The following LPP variants were observed in gnomAD, a reference collection of about 807,000 sequenced individuals.
The protein encoded by LPP is LIM domain containing preferred translocation partner in lipoma.
LPP carries 38 observed loss-of-function variants against 60.4 expected under a neutral mutation model. That is an observed-to-expected ratio of 0.63 (90% CI 0.49 to 0.83). LPP has a LOEUF of 0.83. Ranked by LOEUF, LPP falls within the 40% of genes least tolerant of loss-of-function variation. The pLI, the probability that LPP is intolerant of heterozygous loss-of-function variation, is 0.00. For synonymous variants in LPP, 328 were observed against 290.8 expected (o/e 1.13, Z -1.30); for missense variants, 902 against 783.6 (o/e 1.15, Z -1.80).
intron 7 of LPP, among the ~76,000 whole-genome samples, chr3:188,665,973 A>G (rs537647690): frequency 3.9e-5 from 6 of 152,284 alleles, no homozygotes; most frequent in East Asian, 3.9e-4. Flanking sequence ...TAATTCTACA[A>G]TTAGTGTTTT....
rs574948124 is a variant in LPP at position 188,384,851 on chromosome 3, A to G, written c.-9-21261A>G. ...TTTCAGAAGTCCCGGAGTCCTTTCC[A>G]TGATGCATTTGAAGGGCCAGAGAGA... On this transcript the variant is annotated intron_variant, in intron 3 of 11. Coordinates refer to ENST00000617246, the MANE Select transcript of LPP (RefSeq NM_001375462.1). Among the ~76,000 whole-genome samples, 4 of 150,024 alleles carry G rather than the reference A, an allele frequency of 2.7e-5. No individual in the cohort carries two copies. The South Asian group carries it at 6.3e-4, about 24-fold the overall frequency.
intron 9 of LPP, among the ~76,000 whole-genome samples, chr3:188,818,609 T>G (rs1466156926): frequency 1.3e-5 from 2 of 152,184 alleles, no homozygotes; most frequent in African/African-American, 4.8e-5. Flanking sequence ...GCTATTTATA[T>G]GTGAGATTGA....
chr3:188,500,197 T>C (rs944940595), intron 5 of LPP, among the ~76,000 whole-genome samples: 3 of 152,108 alleles, frequency 2.0e-5, no homozygotes, highest in African/African-American at 7.2e-5. Flanking sequence ...AAGCTTTCAG[T>C]CTTTTATCAT....
chr3:188,488,506 A>G (rs1335645899), intron 5 of LPP, among the ~76,000 whole-genome samples: 2 of 152,128 alleles, frequency 1.3e-5, no homozygotes, highest in African/African-American at 2.4e-5. Flanking sequence ...TTCTTCATTC[A>G]TTCAGTGTAA....
At chr3:188,429,203 T>G (rs149677555) in intron 4 of LPP, among the ~76,000 whole-genome samples, 2,448 of 152,206 alleles carry the variant, frequency 0.016, 56 homozygotes, top group African/African-American at 0.056. Flanking sequence ...TAATTATGAG[T>G]TTTATTAAGA....
chr3:188,441,609 C>CTT lies in LPP; in HGVS notation c.193+35324_193+35325dup, dbSNP rs1004222826. Among the ~76,000 whole-genome samples, 47 of 55,652 alleles carry CTT rather than the reference C, an allele frequency of 8.4e-4. 4 individuals carry two copies. The highest frequency in any genetic ancestry group is 1.8e-3 in the African/African-American group (24 of 13,346). 36.5% of individuals were successfully genotyped at this position (55,652 alleles called of 152,430 possible). On this transcript the variant is annotated intron_variant, in intron 4 of 11. Transcript: ENST00000617246. ...ACAGTTTCTTTTTTTCTTTTCTTTT[C>CTT]TTTTTTTTTTTTTTTTTTTTTTTTT...
At chr3:188,295,581 A>G (rs1747593507) in intron 2 of LPP, among the ~76,000 whole-genome samples, 1 of 152,196 alleles carries the variant, frequency 6.6e-6, no homozygotes, top group African/African-American at 2.4e-5. Context: ...TCTGTAGCCC[A>G]GGCTGGAGTG....
rs931008972 is a variant in LPP, at chr3:188,473,378, A to T, written c.194-11214A>T. Among the ~76,000 whole-genome samples, 5 of 152,210 alleles carry T rather than the reference A, an allele frequency of 3.3e-5. 1 individual carries two copies. The highest frequency in any genetic ancestry group is 6.5e-5 in the Admixed American group (1 of 15,292). ...AATTATATCCAGAATCACATATTGC[A>T]TTTTATTGCCTTGTCACCTTAGTCA... On this transcript the variant is annotated intron_variant, in intron 4 of 11. Transcript: ENST00000617246.
At chr3:188,539,952 T>A (rs1211781811) in intron 6 of LPP, among the ~76,000 whole-genome samples, 1 of 152,158 alleles carries the variant, frequency 6.6e-6, no homozygotes, top group Admixed American at 6.5e-5. Context: ...ACAGAAGACC[T>A]TCATTCTGTT....
Position 188,878,150 on chromosome 3 carries a change from TA to T in LPP, c.*3676del, listed in dbSNP as rs1769468763. The T allele has an allele frequency of 9.1e-6, 2 of 219,698 alleles. No homozygotes were observed. Among genetic ancestry groups the T allele is most frequent in the African/African-American group, 4.5e-5 (2 of 44,540 alleles). The allele number at this position is 219,698 out of a possible 1,614,324, so 13.6% of individuals were successfully genotyped here. A position where few individuals can be genotyped will look rare whatever the true frequency, so the allele number is the denominator to read the frequency against. Reference sequence around the variant, plus strand: ...AACTTCCAGCCATTTTTTTAGTTAGTAAAAATCCTATTAATGTGAACCAGCC... The same window carrying T: ...AACTTCCAGCCATTTTTTTAGTTAGTAAAATCCTATTAATGTGAACCAGCC... On this transcript the variant is annotated 3_prime_UTR_variant, in exon 12 of 12. Transcript: ENST00000617246.
At chr3:188,681,481 T>C (rs551603457) in intron 7 of LPP, among the ~76,000 whole-genome samples, 3 of 152,220 alleles carry the variant, frequency 2.0e-5, no homozygotes, top group Non-Finnish European at 4.4e-5. Flanking sequence ...TTCTCTAAGA[T>C]AAGCAGCTTT....
chr3:188,651,445 G>A (rs1001296496), intron 7 of LPP, among the ~76,000 whole-genome samples: 1 of 152,180 alleles, frequency 6.6e-6, no homozygotes, highest in Non-Finnish European at 1.5e-5. Context: ...AGACGGGCAA[G>A]GGTAGAAACA....
At chr3:188,527,005 G>A (rs1820771220) in intron 6 of LPP, among the ~76,000 whole-genome samples, 2 of 152,156 alleles carry the variant, frequency 1.3e-5, no homozygotes, top group Admixed American at 1.3e-4. Context: ...AGGGGTGAGT[G>A]GAATTGTATC....
chr3:188,784,120 T>TA (rs1263024664), intron 9 of LPP, among the ~76,000 whole-genome samples: 3 of 151,716 alleles, frequency 2.0e-5, no homozygotes, highest in East Asian at 1.9e-4. Context: ...GTATCATTCT[T>TA]ATGCTTTTGC....
intron 4 of LPP, among the ~76,000 whole-genome samples, chr3:188,449,609 C>T (rs1474659063): frequency 6.6e-6 from 1 of 152,012 alleles, no homozygotes; most frequent in Admixed American, 6.6e-5. Context: ...GCTCACATAC[C>T]TGGTGAGTCA....
intron 8 of LPP, among the ~76,000 whole-genome samples, chr3:188,725,881 G>T (rs1718193378): frequency 6.6e-6 from 1 of 152,094 alleles, no homozygotes; most frequent in Non-Finnish European, 1.5e-5. Flanking sequence ...AATTTTTCAG[G>T]TAAGCCATGA....
Position 188,575,953 on chromosome 3 carries a change from A to G in LPP, c.430-33208A>G, listed in dbSNP as rs150124376. ...TTAGGACCCTGAGCTTTCAGTAGTG[A>G]GTAGACATGCATGGAAATGTTTGGA... On this transcript the variant is annotated intron_variant, in intron 6 of 11. Coordinates refer to ENST00000617246, the MANE Select transcript of LPP (RefSeq NM_001375462.1). Among the ~76,000 whole-genome samples, 4 of 152,272 alleles carry G rather than the reference A, an allele frequency of 2.6e-5. No homozygotes were observed. The East Asian group carries it at 5.8e-4, about 22-fold the overall frequency.
intron 5 of LPP, among the ~76,000 whole-genome samples, chr3:188,520,580 A>G (rs1245389173): frequency 6.6e-6 from 1 of 152,160 alleles, no homozygotes; most frequent in Non-Finnish European, 1.5e-5. Context: ...CAGCCAAACC[A>G]TATCTCCTTC....
intron 7 of LPP, among the ~76,000 whole-genome samples, chr3:188,687,694 C>A (rs903170572): frequency 6.6e-6 from 1 of 151,680 alleles, no homozygotes; most frequent in African/African-American, 2.4e-5. Context: ...ATGACCCTTT[C>A]TTACTGACTC....
Sources: allele counts gnomAD v4.1 joint callset (sites outside exome capture counted in the v4.1 genomes callset), GRCh38; gene constraint gnomAD v4.1.1; transcripts MANE v1.5; gene names NCBI Gene and HGNC (gene_info 2026-07-23, HGNC 2026-07-21).